Variants in RABGEF1 observed in about 807,000 individuals in gnomAD.
RABGEF1 encodes the protein RAB guanine nucleotide exchange factor 1.
Under a neutral mutation model 57.3 loss-of-function variants are expected in RABGEF1, and 26 were observed. That is an observed-to-expected ratio of 0.45 (90% CI 0.33 to 0.63). The LOEUF is 0.63. Among genes scored for constraint, RABGEF1 ranks in the 20% least tolerant of loss-of-function variants. The pLI is 0.02. For missense variants in RABGEF1, 464 were observed against 607.6 expected, an observed-to-expected ratio of 0.76 and a Z score of 2.48; for synonymous variants, 185 against 210.7, an observed-to-expected ratio of 0.88 and a Z score of 1.06.
At chr7:66,747,437 T>C (rs180993330) in intron 1 of RABGEF1, among the ~76,000 whole-genome samples, 16 of 152,166 alleles carry the variant, frequency 1.1e-4, no homozygotes, top group Non-Finnish European at 2.1e-4. Flanking sequence ...ACAAAGACCT[T>C]ATGAACCACA....
At chr7:66,692,738 C>T (rs1284431714) in intron 1 of RABGEF1, among the ~76,000 whole-genome samples, 1 of 132,236 alleles carries the variant, frequency 7.6e-6, no homozygotes, top group Admixed American at 9.1e-5. Context: ...GCACTGATGT[C>T]CTACATCCCC....
intron 1 of RABGEF1, among the ~76,000 whole-genome samples, chr7:66,706,197 C>T (rs1053097494): frequency 3.3e-5 from 5 of 151,890 alleles, no homozygotes; most frequent in South Asian, 4.2e-4. Flanking sequence ...CCACCGTGCC[C>T]GGCCTGTTTA....
intron 1 of RABGEF1, among the ~76,000 whole-genome samples, chr7:66,700,899 G>T (rs938654437): frequency 4.6e-5 from 7 of 152,234 alleles, no homozygotes; most frequent in Non-Finnish European, 7.3e-5. Context: ...ATACTGTGGG[G>T]CAGGGTTGCA....
chr7:66,746,415 G>A (rs776685994), intron 1 of RABGEF1, among the ~76,000 whole-genome samples: 9 of 149,518 alleles, frequency 6.0e-5, no homozygotes, highest in Non-Finnish European at 7.4e-5. Flanking sequence ...GGATTCTTCT[G>A]CCTCAGCCTC....
At position 66,716,968 on chromosome 7, in the gene RABGEF1, G is replaced by A. The variant is rs191732526; in HGVS notation, c.-815+4744G>A. On this transcript the variant is annotated intron_variant and NMD_transcript_variant, in intron 2 of 9. Coordinates refer to the RABGEF1 transcript ENST00000607882. Reference sequence around the variant, plus strand: ...TAAGTTTTGTATTTTTAGTAGAGACGGGGTTTCGCCATGTTGGCCAGGCTA... The same window carrying A: ...TAAGTTTTGTATTTTTAGTAGAGACAGGGTTTCGCCATGTTGGCCAGGCTA... 2.3e-3 allele frequency among the ~76,000 whole-genome samples: 345 copies of A among 152,232 alleles called. 2 individuals carry two copies. The highest frequency in any genetic ancestry group is 8.1e-3 in the African/African-American group (337 of 41,546).
At chr7:66,754,215 G>C (rs1246929647) in intron 1 of RABGEF1, among the ~76,000 whole-genome samples, 1 of 151,400 alleles carries the variant, frequency 6.6e-6, no homozygotes, top group Non-Finnish European at 1.5e-5. Flanking sequence ...TGTTAGCCAG[G>C]ACAGTCTCGA....
At chr7:66,726,067 C>T (rs1384849948) in intron 2 of RABGEF1, among the ~76,000 whole-genome samples, 1 of 152,192 alleles carries the variant, frequency 6.6e-6, no homozygotes, top group Non-Finnish European at 1.5e-5. Flanking sequence ...GCACAGGGCA[C>T]AAGGCCACAT....
chr7:66,709,209 A>G (rs1245221987), intron 1 of RABGEF1, among the ~76,000 whole-genome samples: 2 of 152,066 alleles, frequency 1.3e-5, no homozygotes, highest in Admixed American at 1.3e-4. Flanking sequence ...GAGTTTCACC[A>G]TGTTGTTCAG....
At chr7:66,677,720 C>T (rs1360293602), upstream of RABGEF1, among the ~76,000 whole-genome samples, 3 of 148,696 alleles carry the variant, frequency 2.0e-5, no homozygotes, top group Non-Finnish European at 4.5e-5. Flanking sequence ...TGAGATCACG[C>T]CACTGCACTC....
intron 1 of RABGEF1, among the ~76,000 whole-genome samples, chr7:66,746,846 G>T (rs1800369598): frequency 6.6e-6 from 1 of 151,748 alleles, no homozygotes; most frequent in African/African-American, 2.4e-5. Context: ...AGGCTGGAGT[G>T]CAATAGTGCG....
intron 2 of RABGEF1, among the ~76,000 whole-genome samples, chr7:66,773,227 A>G (rs1202920163): frequency 6.6e-6 from 1 of 152,152 alleles, no homozygotes; most frequent in Admixed American, 6.5e-5. Flanking sequence ...CGAGAACATG[A>G]ATGATCTCCT....
At chr7:66,654,761 T>C in the RABGEF1 span, 2 of 152,484 alleles carry the variant, frequency 1.3e-5, no homozygotes, top group African/African-American at 4.8e-5. Flanking sequence ...TGCGCGTCGG[T>C]GCCTCCCGCT....
the RABGEF1 span, among the ~76,000 whole-genome samples, chr7:66,662,589 G>C: frequency 6.6e-6 from 1 of 152,226 alleles, no homozygotes; most frequent in Non-Finnish European, 1.5e-5. Context: ...AATGGGTCAG[G>C]AGAACCTGAC....
chr7:66,779,687 A>C (rs1476847572), intron 3 of RABGEF1, among the ~76,000 whole-genome samples: 3 of 151,160 alleles, frequency 2.0e-5, no homozygotes, highest in Middle Eastern at 3.4e-3. Context: ...AAAAAAAAAA[A>C]CACCAAAAAC....
chr7:66,758,129 A>G (rs1272588153), intron 1 of RABGEF1, among the ~76,000 whole-genome samples: 1 of 152,188 alleles, frequency 6.6e-6, no homozygotes, highest in East Asian at 1.9e-4. Context: ...ATGACCTCTG[A>G]GGGCATGACA....
chr7:66,750,876 C>G (rs1455636976), intron 1 of RABGEF1, among the ~76,000 whole-genome samples: 1 of 152,224 alleles, frequency 6.6e-6, no homozygotes, highest in Non-Finnish European at 1.5e-5. Context: ...AATCTGAGTA[C>G]TAGAAAATAC....
intron 3 of RABGEF1, among the ~76,000 whole-genome samples, chr7:66,776,836 T>C (rs1452448727): frequency 4.6e-5 from 7 of 152,238 alleles, no homozygotes; most frequent in Non-Finnish European, 1.0e-4. Context: ...AAGAATGTAT[T>C]GGGCTCATGA....
At chr7:66,717,100 ACT>A (rs1241503922) in intron 2 of RABGEF1, among the ~76,000 whole-genome samples, 1 of 152,154 alleles carries the variant, frequency 6.6e-6, no homozygotes, top group African/African-American at 2.4e-5. Context: ...TTTATGCCTC[ACT>A]GTTTCCTTTC....
chr7:66,707,232 T>C (rs1403508635), intron 1 of RABGEF1, among the ~76,000 whole-genome samples: 3 of 152,234 alleles, frequency 2.0e-5, no homozygotes, highest in Non-Finnish European at 2.9e-5. Context: ...TATTAAGACA[T>C]ATTTTATGGC....
Sources: allele counts gnomAD v4.1 joint callset (sites outside exome capture counted in the v4.1 genomes callset), GRCh38; gene constraint gnomAD v4.1.1; transcripts MANE v1.5; gene names NCBI Gene and HGNC (gene_info 2026-07-23, HGNC 2026-07-21).